WDR12: variants seen among roughly 807,000 people sequenced by gnomAD.
WDR12 encodes the protein WD repeat domain 12.
A neutral mutation model predicts 64.3 loss-of-function variants in WDR12; 42 were observed. The ratio of observed to expected loss-of-function variants is 0.65; its 90% confidence interval spans 0.51 to 0.84. The LOEUF is 0.84. Ranked by LOEUF, WDR12 falls within the 40% of genes least tolerant of loss-of-function variation. The pLI, the probability that WDR12 is intolerant of heterozygous loss-of-function variation, is 0.00. For missense variants in WDR12, 469 were observed against 494.6 expected (o/e 0.95, Z 0.49); for synonymous variants, 158 against 173.3 (o/e 0.91, Z 0.70).
intron 2 of WDR12, among the ~76,000 whole-genome samples, chr2:202,901,840 T>C (rs72934767): frequency 0.088 from 13,451 of 152,190 alleles, 737 homozygotes; most frequent in Non-Finnish European, 0.12. Context: ...CCTGGTTAGA[T>C]TTCAGGGTTT....
At position 202,875,682 on chromosome 2, in the gene WDR12, C is replaced by G. The variant is rs1687846702; in HGVS notation, c.*5178G>C. On this transcript the variant is annotated 3_prime_UTR_variant, in exon 13 of 13. Coordinates refer to ENST00000261015, the MANE Select transcript of WDR12 (RefSeq NM_018256.4). The stretch of plus-strand genomic sequence containing the variant: ...GGATTACAGGCGTTAGCCACGGCGC[C>G]CAGCCACATATAACCTTTCTGTTAG... 6.6e-6 allele frequency: 1 copy of G among 152,196 alleles called. No individual in the cohort carries two copies. Among genetic ancestry groups the G allele is most frequent in the South Asian group, 2.1e-4 (1 of 4,832 alleles). 9.4% of individuals were successfully genotyped at this position (152,196 alleles called of 1,614,324 possible).
rs1295704841 is a variant in WDR12, at chr2:202,876,274, GGTAC to G, written c.*4582_*4585del. On this transcript the variant is annotated 3_prime_UTR_variant, in exon 13 of 13. Transcript: ENST00000261015. ...GTGGCAGCATGCAATTGTACTCCCA[GGTAC>G]GTACTCAGGAAGCTGGGGCAGGAGG... 6.6e-6 allele frequency: 1 copy of G among 152,152 alleles called. No individual in the cohort carries two copies. The highest frequency in any genetic ancestry group is 1.5e-5 in the Non-Finnish European group (1 of 68,044). The allele number at this position is 152,152 out of a possible 1,614,324, so 9.4% of individuals were successfully genotyped here. A position where few individuals can be genotyped will look rare whatever the true frequency, so the allele number is the denominator to read the frequency against.
At chr2:202,892,480 C>T in intron 8 of WDR12, 137 bp downstream of exon 8, 1 of 502,532 alleles carries the variant, frequency 2.0e-6, no homozygotes, top group East Asian at 3.4e-5. Context: ...TACAAGTCTA[C>T]TGAAAAAAAG....
At chr2:202,894,537 G>T in intron 7 of WDR12, 44 bp downstream of exon 7, 1 of 1,536,030 alleles carries the variant, frequency 6.5e-7, no homozygotes, top group Non-Finnish European at 8.8e-7. Flanking sequence ...TTAAATTTTT[G>T]AAACAACATT....
rs1574399283 is a variant in WDR12 at position 202,877,097 on chromosome 2, G to A, written c.*3763C>T. The A allele has an allele frequency of 9.6e-6, 1 of 104,660 alleles. No homozygotes were observed. The highest frequency in any genetic ancestry group is 2.0e-5 in the Non-Finnish European group (1 of 51,138). 6.5% of individuals were successfully genotyped at this position (104,660 alleles called of 1,614,324 possible). A position where few individuals can be genotyped will look rare whatever the true frequency, so the allele number is the denominator to read the frequency against. On this transcript the variant is annotated 3_prime_UTR_variant, in exon 13 of 13. Coordinates refer to ENST00000261015, the MANE Select transcript of WDR12 (RefSeq NM_018256.4). ...ATGTTATTATCAGAAATTCCCAGAT[G>A]GTATATATATATATATATTTTTTTT...
At chr2:202,908,159 T>C (rs924125348) in intron 1 of WDR12, among the ~76,000 whole-genome samples, 200 bp from the exon 2 acceptor site, 1 of 152,064 alleles carries the variant, frequency 6.6e-6, no homozygotes, top group Non-Finnish European at 1.5e-5. Context: ...TAGAATGAAG[T>C]TATATAAGAA....
intron 1 of WDR12, 91 bp from the exon 2 acceptor site, chr2:202,908,050 T>C: frequency 1.7e-6 from 2 of 1,166,740 alleles, no homozygotes; most frequent in Non-Finnish European, 1.3e-6. Flanking sequence ...ATTGGGTAAA[T>C]AAATGCCAGA....
chr2:202,901,017 G>A lies in WDR12; in HGVS notation c.231+8C>T, dbSNP rs1206258679. The stretch of plus-strand genomic sequence containing the variant: ...AGTGAAATACAGAAGATAAGAATTT[G>A]AACTTACTGATGAGATGTTCTCCAT... On this transcript the variant is annotated splice_region_variant and intron_variant, in intron 3 of 12. Coordinates refer to ENST00000261015, the MANE Select transcript of WDR12 (RefSeq NM_018256.4). 6.3e-7 allele frequency: 1 copy of A among 1,575,094 alleles called. No individual in the cohort carries two copies. The highest frequency in any genetic ancestry group is 8.7e-7 in the Non-Finnish European group (1 of 1,153,502).
intron 6 of WDR12, 46 bp from the exon 7 acceptor site, chr2:202,894,672 A>C (rs766897398): frequency 1.3e-6 from 2 of 1,515,278 alleles, no homozygotes; most frequent in Non-Finnish European, 1.8e-6. Flanking sequence ...AATATGATTC[A>C]TATTATTTGC....
rs1210138894 is a variant in WDR12, at chr2:202,874,443, C to T, written c.*6417G>A. Among the ~76,000 whole-genome samples the T allele has an allele frequency of 6.6e-6, 1 of 152,176 alleles. No homozygotes were observed. The highest frequency in any genetic ancestry group is 6.5e-5 in the Admixed American group (1 of 15,272). ...GAATGTAGGGCTCCACAAATGGGAT[C>T]CAAACCTAGAGTCTTAGTTTCTTTA... On this transcript the variant is annotated 3_prime_UTR_variant, in exon 13 of 13. Coordinates refer to ENST00000261015, the MANE Select transcript of WDR12 (RefSeq NM_018256.4).
intron 2 of WDR12, among the ~76,000 whole-genome samples, chr2:202,904,374 G>C (rs955434848): frequency 6.6e-6 from 1 of 150,846 alleles, no homozygotes; most frequent in Non-Finnish European, 1.5e-5. Flanking sequence ...AAAAGAACCA[G>C]AATAGCCAAA....
At chr2:202,903,352 A>G (rs1305039846) in intron 2 of WDR12, among the ~76,000 whole-genome samples, 1 of 152,168 alleles carries the variant, frequency 6.6e-6, no homozygotes, top group Non-Finnish European at 1.5e-5. Flanking sequence ...AAAAACTGAA[A>G]GCCTTTCCTC....
rs112601047 is a variant in WDR12 at position 202,888,768 on chromosome 2, A to C, written c.741+3849T>G. 5.4e-3 allele frequency among the ~76,000 whole-genome samples: 819 copies of C among 152,304 alleles called. 4 individuals carry two copies. The highest frequency in any genetic ancestry group is 0.019 in the African/African-American group (783 of 41,558). ...CACTCTGTCGCCCAAACTGGAGTGC[A>C]GTGGTGCAATCGTAACTCACAGCAG... On this transcript the variant is annotated intron_variant, in intron 8 of 12. Coordinates refer to ENST00000261015, the MANE Select transcript of WDR12 (RefSeq NM_018256.4).
Position 202,877,304 on chromosome 2 carries a change from G to A in WDR12, c.*3556C>T, listed in dbSNP as rs1035316742. On this transcript the variant is annotated 3_prime_UTR_variant, in exon 13 of 13. Transcript: ENST00000261015. ...ATATTGATCATCTTCTCATAGAAAA[G>A]CTATGTTTTTCTACAAAGGCCCCAC... 2 of 151,902 alleles carry A rather than the reference G, an allele frequency of 1.3e-5. No homozygotes were observed. Among genetic ancestry groups the A allele is most frequent in the Non-Finnish European group, 2.9e-5 (2 of 67,970 alleles). 9.4% of individuals were successfully genotyped at this position (151,902 alleles called of 1,614,324 possible).
chr2:202,911,316 T>C, intron 1 of WDR12, 120 bp downstream of exon 1: 1 of 943,196 alleles, frequency 1.1e-6, no homozygotes, highest in South Asian at 1.4e-5. Context: ...AGAAAGCAGG[T>C]AATCTCAGAA....
At chr2:202,909,505 G>C (rs1242911224) in intron 1 of WDR12, among the ~76,000 whole-genome samples, 1 of 152,120 alleles carries the variant, frequency 6.6e-6, no homozygotes, top group Admixed American at 6.5e-5. Context: ...CTAGAAAGTA[G>C]ATCAGTGGTT....
chr2:202,910,297 C>T (rs758494205), intron 1 of WDR12, among the ~76,000 whole-genome samples: 9 of 152,008 alleles, frequency 5.9e-5, no homozygotes, highest in Non-Finnish European at 1.2e-4. Flanking sequence ...CCGAGGTGGG[C>T]GGATCACTTG....
Position 202,899,436 on chromosome 2 carries a change from T to C in WDR12, c.338+95A>G, listed in dbSNP as rs920217036. ...TCACAAAATTAATTTACAAATAACA[T>C]TAAATCACAGAAAAATATGTATATA... On this transcript the variant is annotated intron_variant, in intron 4 of 12. Coordinates refer to ENST00000261015, the MANE Select transcript of WDR12 (RefSeq NM_018256.4). 35 of 1,074,952 alleles carry C rather than the reference T, an allele frequency of 3.3e-5. No individual in the cohort carries two copies. The African/African-American group carries it at 5.2e-4, about 16-fold the overall frequency. The allele number at this position is 1,074,952 out of a possible 1,614,324, so 66.6% of individuals were successfully genotyped here.
At chr2:202,896,929 G>C (rs1285732528) in intron 5 of WDR12, among the ~76,000 whole-genome samples, 1 of 152,134 alleles carries the variant, frequency 6.6e-6, no homozygotes, top group African/African-American at 2.4e-5. Flanking sequence ...GGATGTTGCA[G>C]TGAGCCGAGA....
Sources: gnomAD v4.1 joint callset for allele counts (sites outside exome capture counted in the v4.1 genomes callset) on GRCh38, gnomAD v4.1.1 for gene constraint, MANE v1.5 for transcripts, NCBI Gene and HGNC (gene_info 2026-07-23, HGNC 2026-07-21) for gene names.